Variants in PRKG1 observed in about 807,000 individuals in gnomAD.
The protein encoded by PRKG1 is protein kinase cGMP-dependent 1, also known as cGMP-dependent protein kinase 1.
In PRKG1, 35 loss-of-function variants were observed where a neutral mutation model predicts 88.1. The observed-to-expected ratio is 0.40, with a 90% CI of 0.30 to 0.53. The LOEUF (loss-of-function observed/expected upper bound fraction) is 0.53. Among genes scored for constraint, PRKG1 ranks in the 20% least tolerant of loss-of-function variants. The pLI, the probability that PRKG1 is intolerant of heterozygous loss-of-function variation, is 0.59. For synonymous variants in PRKG1, 303 were observed against 292.5 expected (o/e 1.04, Z -0.37); for missense variants, 540 against 839.8 (o/e 0.64, Z 4.41).
At chr10:52,028,284 C>T (rs951172155) in intron 5 of PRKG1, among the ~76,000 whole-genome samples, 2 of 152,152 alleles carry the variant, frequency 1.3e-5, no homozygotes, top group Non-Finnish European at 2.9e-5. Context: ...CAGCTCCTAT[C>T]TGCACATTCT....
intron 2 of PRKG1, among the ~76,000 whole-genome samples, chr10:51,289,429 G>A (rs1840525440): frequency 6.6e-6 from 1 of 152,130 alleles, no homozygotes; most frequent in Admixed American, 6.5e-5. Context: ...TGACAACAGT[G>A]GACTAGAGCC....
intron 3 of PRKG1, among the ~76,000 whole-genome samples, chr10:51,803,437 T>C (rs1018512993): frequency 6.6e-6 from 1 of 152,102 alleles, no homozygotes; most frequent in Admixed American, 6.6e-5. Context: ...TGGAGTACAA[T>C]ATTCATTCCT....
At chr10:51,883,483 T>C (rs1841487392) in intron 4 of PRKG1, among the ~76,000 whole-genome samples, 1 of 152,242 alleles carries the variant, frequency 6.6e-6, no homozygotes, top group Non-Finnish European at 1.5e-5. Context: ...AAGTTTTGTA[T>C]TTCAATCTCA....
At chr10:51,560,979 G>T (rs1304866101) in intron 3 of PRKG1, among the ~76,000 whole-genome samples, 12 of 152,004 alleles carry the variant, frequency 7.9e-5, no homozygotes, top group African/African-American at 2.9e-4. Flanking sequence ...GGGCAAGGTG[G>T]CTCATGCCTG....
chr10:52,034,165 C>G (rs1162003615), intron 5 of PRKG1, among the ~76,000 whole-genome samples: 4 of 152,210 alleles, frequency 2.6e-5, no homozygotes, highest in Non-Finnish European at 5.9e-5. Context: ...ATGTGCAAAT[C>G]ACAGGGGATG....
intron 3 of PRKG1, among the ~76,000 whole-genome samples, chr10:51,612,066 A>G (rs1344355538): frequency 1.3e-5 from 2 of 152,038 alleles, no homozygotes; most frequent in East Asian, 3.8e-4. Context: ...GAAGTCAGGT[A>G]ATGTAATGAT....
chr10:51,949,988 A>G (rs186799000), intron 5 of PRKG1, among the ~76,000 whole-genome samples: 6 of 152,338 alleles, frequency 3.9e-5, no homozygotes, highest in Non-Finnish European at 7.3e-5. Flanking sequence ...GAGGAAGGTG[A>G]TAGCTGCTAC....
chr10:51,285,969 A>AT (rs35182043), intron 2 of PRKG1, among the ~76,000 whole-genome samples: 1 of 150,864 alleles, frequency 6.6e-6, no homozygotes, highest in East Asian at 2.0e-4. Context: ...TTATTTATTT[A>AT]TTATTTATTT....
intron 1 of PRKG1, among the ~76,000 whole-genome samples, chr10:50,997,340 A>G (rs1159882947): frequency 1.3e-5 from 2 of 152,144 alleles, no homozygotes; most frequent in Non-Finnish European, 2.9e-5. Flanking sequence ...TTCTTGTTCC[A>G]TTTGAATTAC....
chr10:52,046,343 A>C (rs1464530574), intron 5 of PRKG1, among the ~76,000 whole-genome samples: 1 of 152,088 alleles, frequency 6.6e-6, no homozygotes, highest in Admixed American at 6.6e-5. Flanking sequence ...GTACCTTTAC[A>C]AACACTGTTC....
chr10:51,618,030 A>G (rs1351410069), intron 3 of PRKG1, among the ~76,000 whole-genome samples: 1 of 152,092 alleles, frequency 6.6e-6, no homozygotes, highest in Non-Finnish European at 1.5e-5. Flanking sequence ...TTTCATCCTC[A>G]TTGCAATTGT....
chr10:51,812,526 C>A (rs1012204181), intron 4 of PRKG1, among the ~76,000 whole-genome samples: 1 of 152,074 alleles, frequency 6.6e-6, no homozygotes, highest in African/African-American at 2.4e-5. Flanking sequence ...AGTGGTTATG[C>A]CAGGATTCAG....
intron 5 of PRKG1, among the ~76,000 whole-genome samples, chr10:51,932,587 G>C (rs570306546): frequency 6.6e-6 from 1 of 152,140 alleles, no homozygotes; most frequent in African/African-American, 2.4e-5. Flanking sequence ...TAAGTGGACA[G>C]ATGGAGGAGA....
At chr10:52,014,826 G>A (rs991348183) in intron 5 of PRKG1, among the ~76,000 whole-genome samples, 1 of 152,234 alleles carries the variant, frequency 6.6e-6, no homozygotes, top group African/African-American at 2.4e-5. Flanking sequence ...AAAGCTGGCA[G>A]GGCATTCATT....
chr10:51,275,750 G>A (rs1454278282), intron 2 of PRKG1, among the ~76,000 whole-genome samples: 9 of 151,892 alleles, frequency 5.9e-5, no homozygotes, highest in Non-Finnish European at 1.5e-5. Context: ...GTGACAAATG[G>A]CCCCCAAAAA....
Position 52,135,065 on chromosome 10 carries a change from G to A in PRKG1, c.1001+1160G>A, listed in dbSNP as rs79271714. Among the ~76,000 whole-genome samples, 457 of 152,130 alleles carry A rather than the reference G, an allele frequency of 3.0e-3. 5 individuals carry two copies. Among genetic ancestry groups the A allele is most frequent in the African/African-American group, 9.2e-3 (383 of 41,498 alleles). On this transcript the variant is annotated intron_variant, in intron 8 of 17. Transcript: ENST00000373980. ...ACAGATGCTGGTTTTAAGAGTTAGC[G>A]TCTAATAGAGATGTGGCATATACAA... is the stretch of plus-strand genomic sequence containing the variant.
At chr10:51,240,597 A>G (rs1310474333) in intron 2 of PRKG1, among the ~76,000 whole-genome samples, 4 of 152,232 alleles carry the variant, frequency 2.6e-5, no homozygotes, top group African/African-American at 9.6e-5. Context: ...CTAGAAATGT[A>G]TTCACAGGAC....
chr10:51,242,234 A>T (rs1839174493), intron 2 of PRKG1, among the ~76,000 whole-genome samples: 1 of 152,134 alleles, frequency 6.6e-6, no homozygotes, highest in Non-Finnish European at 1.5e-5. Context: ...AGAATGTGTC[A>T]AAGGGAGAAA....
intron 2 of PRKG1, among the ~76,000 whole-genome samples, chr10:51,365,561 T>C (rs1842571635): frequency 6.6e-6 from 1 of 151,944 alleles, no homozygotes; most frequent in African/African-American, 2.4e-5. Context: ...CTGAATATTC[T>C]AATAATTTTA....
Sources: gnomAD v4.1 joint callset for allele counts (sites outside exome capture counted in the v4.1 genomes callset) on GRCh38, gnomAD v4.1.1 for gene constraint, MANE v1.5 for transcripts, NCBI Gene and HGNC (gene_info 2026-07-23, HGNC 2026-07-21) for gene names.